The following SSRP1 variants were observed in gnomAD, a reference collection of about 807,000 sequenced individuals.
SSRP1 encodes FACT complex subunit SSRP1.
SSRP1 carries 21 observed loss-of-function variants against 84.4 expected under a neutral mutation model. That is an observed-to-expected ratio of 0.25 (90% confidence interval 0.18 to 0.36). The LOEUF is 0.36. Ranked by LOEUF, SSRP1 falls within the 10% of genes least tolerant of loss-of-function variation. SSRP1 has a pLI of 1.00. For synonymous variants in SSRP1, 319 were observed against 318.3 expected, an observed-to-expected ratio of 1.00 and a Z score of -0.02; for missense variants, 519 against 900.8, an observed-to-expected ratio of 0.58 and a Z score of 5.43.
At position 57,330,649 on chromosome 11, in the gene SSRP1, TG is replaced by T; in HGVS notation, c.1296+205del. On this transcript the variant is annotated intron_variant, in intron 10 of 16. Coordinates refer to ENST00000278412, the MANE Select transcript of SSRP1 (RefSeq NM_003146.3). The surrounding 1 kb of genome is among the most constrained non-coding windows in gnomAD (Gnocchi z 4.0). ...AAGCCCCTCCCTCTCCCAGCCCCAC[TG>T]GGGGCTCCTGAGGGGCTGCATAGAC... 6.9e-7 allele frequency: 1 copy of T among 1,442,280 alleles called. No homozygotes were observed. The highest frequency in any genetic ancestry group is 1.5e-5 in the South Asian group (1 of 67,290). 89.3% of individuals were successfully genotyped at this position (1,442,280 alleles called of 1,614,324 possible).
In SSRP1 at chr11:57,331,490, A is replaced by G. The variant is rs533405597; in HGVS notation, c.1223+178T>C. On this transcript the variant is annotated intron_variant, in intron 9 of 16. Transcript: ENST00000278412. ...TGTTTTGTTTTTTTAATGACCAGAA[A>G]GAAAGCAATGGAGAGGTTTCTAAAG... 5.9e-5 allele frequency among the ~76,000 whole-genome samples: 9 copies of G among 152,232 alleles called. No homozygotes were observed. The East Asian group carries it at 1.2e-3, about 20-fold the overall frequency.
At chr11:57,327,673 G>A (rs1176542092) in intron 14 of SSRP1, 39 bp downstream of exon 14, 1 of 1,610,048 alleles carries the variant, frequency 6.2e-7, no homozygotes, top group Admixed American at 1.7e-5. Flanking sequence ...CCTCTCGCCA[G>A]CCCATGAGAG....
At position 57,334,584 on chromosome 11, in the gene SSRP1, A is replaced by G. The variant is rs1856167183; in HGVS notation, c.119T>C (p.Val40Ala). ...TAACTCCCCAGCCTGGATGTTGTCC[A>G]CTTTGCCTGTCTTGCTATTCTTGAA... ...IIFKNSKTGK[V>A]DNIQAGELTE... The change falls in exon 3 of 17, where the codon GTG becomes GCG. Residue 40 changes from valine (V) to alanine (A), a missense_variant. Physicochemically the swap from Val to Ala is moderately conservative, Grantham distance 64 (BLOSUM62 0). Around this residue, in one of 7 missense-constraint regions of SSRP1, gnomAD observed 88 missense variants for 122.0 expected, o/e 0.72. Coordinates refer to ENST00000278412, the MANE Select transcript of SSRP1 (RefSeq NM_003146.3). The G allele has an allele frequency of 6.2e-7, 1 of 1,614,082 alleles. No individual in the cohort carries two copies. The highest frequency in any genetic ancestry group is 1.3e-5 in the African/African-American group (1 of 74,928).
chr11:57,333,652 A>G lies in SSRP1; in HGVS notation c.241-112T>C, dbSNP rs888898759. 5 of 763,718 alleles carry G rather than the reference A, an allele frequency of 6.5e-6. No individual in the cohort carries two copies. The African/African-American group carries it at 8.7e-5, about 13-fold the overall frequency. 47.3% of individuals were successfully genotyped at this position (763,718 alleles called of 1,614,324 possible). ...AGAAACTGCCCCAAATAGGCTTTAT[A>G]AGAAATCCATGCTGACTTAGCAACC... On this transcript the variant is annotated intron_variant, in intron 3 of 16. Coordinates refer to ENST00000278412, the MANE Select transcript of SSRP1 (RefSeq NM_003146.3).
chr11:57,331,771 T>C lies in SSRP1; in HGVS notation c.1120A>G (p.Ile374Val). 1 of 1,614,118 alleles carries C rather than the reference T, an allele frequency of 6.2e-7. No individual in the cohort carries two copies. Among genetic ancestry groups the C allele is most frequent in the Non-Finnish European group, 8.5e-7 (1 of 1,180,030 alleles). Reference sequence around the variant, plus strand: ...CCACGAGCAAAGTTGACAAAGGAGATCTCATCGAAGCGGATGTGCACAGGT... The same window carrying C: ...CCACGAGCAAAGTTGACAAAGGAGACCTCATCGAAGCGGATGTGCACAGGT... Reference protein sequence around the residue: ...KPPVHIRFDEISFVNFARGTT... With the variant: ...KPPVHIRFDEVSFVNFARGTT... The change falls in exon 9 of 17, where the codon ATC becomes GTC. Residue 374 changes from isoleucine to valine, a missense_variant. By Grantham distance (29) the Ile-to-Val change is conservative (BLOSUM62 3). Coordinates refer to ENST00000278412, the MANE Select transcript of SSRP1 (RefSeq NM_003146.3).
Position 57,334,475 on chromosome 11 carries a change from G to A in SSRP1, c.228C>T (p.Gly76=), listed in dbSNP as rs748179309. ...TKNGHVYKYD[G]FRESEFEKLS... ...TGGGACATCTCACCGATTCTCGGAA[G>A]CCATCATACTTGTAGACATGGCCAT... Residue 76 remains glycine (G), a synonymous_variant, in exon 3 of 17, where the codon GGC becomes GGT. Transcript: ENST00000278412. The A allele has an allele frequency of 6.2e-7, 1 of 1,614,028 alleles. No homozygotes were observed. Among genetic ancestry groups the A allele is most frequent in the Admixed American group, 1.7e-5 (1 of 60,014 alleles).
At chr11:57,334,406 A>G (rs1445013829) in intron 3 of SSRP1, 57 bp downstream of exon 3, 1 of 1,587,550 alleles carries the variant, frequency 6.3e-7, no homozygotes, top group Non-Finnish European at 8.6e-7. Context: ...GAGTCTCTAG[A>G]AGATTAAAAT....
intron 8 of SSRP1, 21 bp from the exon 9 acceptor site, chr11:57,331,910 C>T (rs1380091064): frequency 6.2e-7 from 1 of 1,600,002 alleles, no homozygotes; most frequent in East Asian, 2.3e-5. Flanking sequence ...GTGCAGGGAG[C>T]CTGGTTAGTG....
intron 16 of SSRP1, 98 bp downstream of exon 16, chr11:57,326,605 A>G: frequency 6.6e-7 from 1 of 1,520,758 alleles, no homozygotes; most frequent in Non-Finnish European, 8.9e-7. Context: ...TCAGAATTCC[A>G]CCATCCACTC....
Position 57,333,261 on chromosome 11 carries a change from G to A in SSRP1, c.347-112C>T, listed in dbSNP as rs1856132853. 27 of 1,290,768 alleles carry A rather than the reference G, an allele frequency of 2.1e-5. No individual in the cohort carries two copies. The South Asian group carries it at 3.0e-4, about 15-fold the overall frequency. 80.0% of individuals were successfully genotyped at this position (1,290,768 alleles called of 1,614,324 possible). A position where few individuals can be genotyped will look rare whatever the true frequency, so the allele number is the denominator to read the frequency against. Reference sequence around the variant, plus strand: ...CAGGATACTGCGGTTAGTCTGTTTAGACTATAACCCCAACCCCAGGCAGTA... The same window carrying A: ...CAGGATACTGCGGTTAGTCTGTTTAAACTATAACCCCAACCCCAGGCAGTA... On this transcript the variant is annotated intron_variant, in intron 4 of 16. Transcript: ENST00000278412.
intron 15 of SSRP1, 52 bp from the exon 16 acceptor site, chr11:57,326,941 T>C (rs751728688): frequency 4.3e-5 from 65 of 1,494,984 alleles, no homozygotes; most frequent in African/African-American, 9.8e-5. Flanking sequence ...CCTGTCACCA[T>C]GACCAAACCT....
chr11:57,329,846 C>T (rs1006461507), intron 12 of SSRP1: 2 of 584,406 alleles, frequency 3.4e-6, no homozygotes, highest in African/African-American at 3.7e-5. Context: ...ACGAACCAGC[C>T]CCAACTGGCA....
Position 57,334,645 on chromosome 11 carries a change from C to T in SSRP1, c.58G>A (p.Asp20Asn). ...TGACGGCTCAACCTCAGTCGACCAT[C>T]ATTCTGTAAGAAAAGCAGGCCCAGA... ...VYQEVKGSMN[D>N]GRLRLSRQGI... Residue 20 changes from aspartate to asparagine, a missense_variant, in exon 3 of 17, where the codon GAT becomes AAT. By Grantham distance (23) the Asp-to-Asn change is conservative. Around this residue, in one of 7 missense-constraint regions of SSRP1, gnomAD observed 88 missense variants for 122.0 expected, o/e 0.72. Coordinates refer to ENST00000278412, the MANE Select transcript of SSRP1 (RefSeq NM_003146.3). 1 of 1,614,010 alleles carries T rather than the reference C, an allele frequency of 6.2e-7. No individual in the cohort carries two copies. Among genetic ancestry groups the T allele is most frequent in the Non-Finnish European group, 8.5e-7 (1 of 1,179,992 alleles).
At chr11:57,333,733 C>T (rs1487685726) in intron 3 of SSRP1, among the ~76,000 whole-genome samples, 193 bp from the exon 4 acceptor site, 1 of 152,210 alleles carries the variant, frequency 6.6e-6, no homozygotes, top group African/African-American at 2.4e-5. Flanking sequence ...ATCTGACATT[C>T]CTGGTTACGG....
Position 57,335,553 on chromosome 11 carries a change from A to G in SSRP1, c.-120+177T>C, listed in dbSNP as rs558692499. ...CGCGACCCAATCCAGCTCAGAGTGC[A>G]GGGTTTCCCTCGCACCGCTCCCACC... is the stretch of plus-strand genomic sequence containing the variant. On this transcript the variant is annotated intron_variant, in intron 1 of 16. Coordinates refer to ENST00000278412, the MANE Select transcript of SSRP1 (RefSeq NM_003146.3). The surrounding 1 kb of genome is among the most constrained non-coding windows in gnomAD (Gnocchi z 4.6). The G allele has an allele frequency of 8.3e-6, 2 of 241,608 alleles. No homozygotes were observed. Among genetic ancestry groups the G allele is most frequent in the East Asian group, 1.9e-4 (2 of 10,670 alleles). 15.0% of individuals were successfully genotyped at this position (241,608 alleles called of 1,614,324 possible). A position where few individuals can be genotyped will look rare whatever the true frequency, so the allele number is the denominator to read the frequency against.
At position 57,330,493 on chromosome 11, in the gene SSRP1, A is replaced by C; in HGVS notation, c.1297-64T>G. ...TCGAGCCAGAATCCCTGCACACTCA[A>C]AAGCACACCCCCATGCCTGTCAAGT... is the stretch of plus-strand genomic sequence containing the variant. On this transcript the variant is annotated intron_variant, in intron 10 of 16. Coordinates refer to ENST00000278412, the MANE Select transcript of SSRP1 (RefSeq NM_003146.3). The surrounding 1 kb of genome is among the most constrained non-coding windows in gnomAD (Gnocchi z 4.0). 3.1e-6 allele frequency: 5 copies of C among 1,598,242 alleles called. No individual in the cohort carries two copies. Among genetic ancestry groups the C allele is most frequent in the Non-Finnish European group, 4.3e-6 (5 of 1,173,906 alleles).
rs532845097 is a variant in SSRP1, at chr11:57,333,213, C to T, written c.347-64G>A. On this transcript the variant is annotated intron_variant, in intron 4 of 16. Coordinates refer to ENST00000278412, the MANE Select transcript of SSRP1 (RefSeq NM_003146.3). The stretch of plus-strand genomic sequence containing the variant: ...CTTAAGTCTGCATAAGCAATATTCC[C>T]ACCAAACTGAGTTCCACAGAGACAG... The T allele has an allele frequency of 6.1e-5, 93 of 1,524,090 alleles. No homozygotes were observed. In the African/African-American group the frequency reaches 1.1e-3, roughly 18 times the overall value. 94.4% of individuals were successfully genotyped at this position (1,524,090 alleles called of 1,614,324 possible).
chr11:57,333,794 A>C (rs1425778383), intron 3 of SSRP1, among the ~76,000 whole-genome samples: 1 of 152,230 alleles, frequency 6.6e-6, no homozygotes, highest in African/African-American at 2.4e-5. Flanking sequence ...TGAAAGTGGA[A>C]ATTAAAATCA....
intron 3 of SSRP1, among the ~76,000 whole-genome samples, chr11:57,334,207 C>T (rs1340897508): frequency 6.6e-6 from 1 of 152,214 alleles, no homozygotes; most frequent in Non-Finnish European, 1.5e-5. Flanking sequence ...AGATTCTGAA[C>T]CTTGATAAAA....
Sources: allele counts gnomAD v4.1 joint callset (sites outside exome capture counted in the v4.1 genomes callset), GRCh38; gene constraint gnomAD v4.1.1; regional missense constraint gnomAD v4.1.1; non-coding constraint Gnocchi (gnomAD v3.1); transcripts MANE v1.5; gene names NCBI Gene and HGNC (gene_info 2026-07-23, HGNC 2026-07-21).